CC2D2B: variants seen among roughly 807,000 people sequenced by gnomAD.
CC2D2B encodes the protein coiled-coil and C2 domain containing 2B.
In CC2D2B, 128 loss-of-function variants were observed where a neutral mutation model predicts 161.2. The ratio of observed to expected loss-of-function variants is 0.79; its 90% CI spans 0.69 to 0.92. The LOEUF (loss-of-function observed/expected upper bound fraction) is 0.92. Among genes scored for constraint, CC2D2B ranks in the 40% least tolerant of loss-of-function variants. The pLI is 0.00. For synonymous variants in CC2D2B, 391 were observed against 449.8 expected (o/e 0.87, Z 1.65); for missense variants, 1,173 against 1,375.1 (o/e 0.85, Z 2.32).
intron 32 of CC2D2B, chr10:96,021,160 C>T (rs2079439921): frequency 6.6e-6 from 1 of 152,200 alleles, no homozygotes; most frequent in South Asian, 2.1e-4. Context: ...GCACACATTT[C>T]TGTAAATGCT....
At chr10:96,030,159 A>G (rs1374911404) in intron 34 of CC2D2B, among the ~76,000 whole-genome samples, 3 of 152,030 alleles carry the variant, frequency 2.0e-5, no homozygotes, top group Admixed American at 2.0e-4. Context: ...TGGTTGGTTG[A>G]ATCCTCAAAT....
intron 17 of CC2D2B, among the ~76,000 whole-genome samples, chr10:95,981,469 G>A (rs968269466): frequency 1.3e-5 from 2 of 149,488 alleles, no homozygotes; most frequent in Non-Finnish European, 3.0e-5. Context: ...TACTTACCCA[G>A]TTAATTGCAT....
intron 30 of CC2D2B, among the ~76,000 whole-genome samples, chr10:96,018,249 C>A (rs1322871025): frequency 6.6e-6 from 1 of 152,142 alleles, no homozygotes; most frequent in Non-Finnish European, 1.5e-5. Context: ...GTAGGATAGG[C>A]TTACACTACA....
At chr10:96,018,204 C>CATT (rs1456156379) in intron 30 of CC2D2B, among the ~76,000 whole-genome samples, 1 of 152,124 alleles carries the variant, frequency 6.6e-6, no homozygotes, top group South Asian at 2.1e-4. Flanking sequence ...TAAATAGTCT[C>CATT]ATTATTATTA....
At chr10:96,027,911 T>C (rs903452539) in intron 34 of CC2D2B, among the ~76,000 whole-genome samples, 2 of 152,162 alleles carry the variant, frequency 1.3e-5, no homozygotes, top group African/African-American at 4.8e-5. Flanking sequence ...CAATAAATGA[T>C]GCTGGGAAAA....
chr10:96,002,971 G>T lies in CC2D2B; in HGVS notation c.2850-1181G>T, dbSNP rs373006907. Among the ~76,000 whole-genome samples, 3 of 149,918 alleles carry T rather than the reference G, an allele frequency of 2.0e-5. No individual in the cohort carries two copies. The East Asian group carries it at 5.8e-4, about 29-fold the overall frequency. ...AGGTAGGAGGATCACTTGAGCCCAG[G>T]AGTTCAAGATCAGCCTGGGAAAGAT... On this transcript the variant is annotated intron_variant, in intron 24 of 34. Transcript: ENST00000646931.
At chr10:95,950,963 G>A (rs192193888) in intron 10 of CC2D2B, among the ~76,000 whole-genome samples, 9 of 152,048 alleles carry the variant, frequency 5.9e-5, no homozygotes, top group Non-Finnish European at 1.2e-4. Context: ...GGGACTACAG[G>A]TGCCCACCAC....
chr10:96,027,524 C>T, intron 34 of CC2D2B, 135 bp downstream of exon 34: 1 of 576,572 alleles, frequency 1.7e-6, no homozygotes, highest in Non-Finnish European at 2.9e-6. Flanking sequence ...CATTAAAATA[C>T]ACTTACTGAA....
rs1422244435 is a variant in CC2D2B at position 95,971,259 on chromosome 10, G to T, written c.1645-807G>T. Among the ~76,000 whole-genome samples, 4 of 151,790 alleles carry T rather than the reference G, an allele frequency of 2.6e-5. No homozygotes were observed. The East Asian group carries it at 7.8e-4, about 29-fold the overall frequency. Reference sequence around the variant, plus strand: ...CAAAAATTAGCCAGGTGTGGTGGTGGGCACCTGTAATCCCTGGTACTTGGG... The same window carrying T: ...CAAAAATTAGCCAGGTGTGGTGGTGTGCACCTGTAATCCCTGGTACTTGGG... On this transcript the variant is annotated intron_variant, in intron 15 of 34. Transcript: ENST00000646931.
chr10:96,000,000 A>G, intron 24 of CC2D2B: 1 of 1,090,520 alleles, frequency 9.2e-7, no homozygotes, highest in South Asian at 1.4e-5. Flanking sequence ...TCTTGGCAAG[A>G]ATCTTGCCCT....
rs1276941037 is a variant in CC2D2B, at chr10:95,983,820, T to C, written c.2286+11T>C. 12 of 1,144,554 alleles carry C rather than the reference T, an allele frequency of 1.0e-5. No individual in the cohort carries two copies. The highest frequency in any genetic ancestry group is 4.4e-5 in the South Asian group (1 of 22,580). 70.9% of individuals were successfully genotyped at this position (1,144,554 alleles called of 1,614,324 possible). A position where few individuals can be genotyped will look rare whatever the true frequency, so the allele number is the denominator to read the frequency against. On this transcript the variant is annotated intron_variant, in intron 19 of 34. Transcript: ENST00000646931. ...GATTTAGTCTTCCAGGTATTTGGTT[T>C]CTATTTGAATATGGCTTATTGTATG...
intron 24 of CC2D2B, among the ~76,000 whole-genome samples, chr10:95,997,422 A>T (rs1262184390): frequency 1.3e-5 from 2 of 151,466 alleles, no homozygotes; most frequent in Non-Finnish European, 2.9e-5. Context: ...ACAGGATCTC[A>T]CTCTGTTGCC....
At chr10:95,926,832 G>C (rs1324025954) in intron 5 of CC2D2B, among the ~76,000 whole-genome samples, 2 of 136,740 alleles carry the variant, frequency 1.5e-5, no homozygotes, top group African/African-American at 5.2e-5. Context: ...GTGTGTGTGT[G>C]TGTGTGTGTG....
At chr10:96,005,418 C>T (rs555776522) in intron 25 of CC2D2B, among the ~76,000 whole-genome samples, 4 of 152,242 alleles carry the variant, frequency 2.6e-5, no homozygotes, top group African/African-American at 9.6e-5. Context: ...GTCCTCCTCT[C>T]ATGGACAAGG....
In CC2D2B at chr10:95,938,846, C is replaced by T; in HGVS notation, c.722C>T (p.Pro241Leu). ...ESGEIMSLPT[P>L]IKQSWNFRLN... ...GGAGAAATAATGTCATTACCTACAC[C>T]TATTAAACAGTCATGGAATTTCAGA... Residue 241 changes from proline to leucine, a missense_variant, in exon 9 of 35, where the codon CCT (proline) becomes CTT (leucine). Physicochemically the swap from Pro to Leu is moderately conservative, Grantham distance 98. Around this residue, in one of 3 missense-constraint regions of CC2D2B, gnomAD observed 298 missense variants for 261.2 expected, o/e 1.14. Transcript: ENST00000646931. The T allele has an allele frequency of 1.4e-6, 1 of 715,204 alleles. No individual in the cohort carries two copies. Among genetic ancestry groups the T allele is most frequent in the Non-Finnish European group, 2.6e-6 (1 of 384,174 alleles). The allele number at this position is 715,204 out of a possible 1,614,324, so 44.3% of individuals were successfully genotyped here.
rs2079373464 is a variant in CC2D2B, at chr10:96,019,778, A to G, written c.3842A>G (p.Gln1281Arg). ...FDYSKESFWK[Q>R]LLPKNVQGTK... ...TATTCAAAGGAAAGTTTCTGGAAGC[A>G]GTTGCTTCCAAAAAACGTTCAAGGA... The change falls in exon 32 of 35, where the codon CAG (glutamine) becomes CGG (arginine). Residue 1281 changes from glutamine (Q) to arginine (R), a missense_variant. Gln to Arg is a conservative substitution (Grantham distance 43). Transcript: ENST00000646931. 1 of 1,604,282 alleles carries G rather than the reference A, an allele frequency of 6.2e-7. No homozygotes were observed.
chr10:95,975,481 G>A (rs2077281857), intron 17 of CC2D2B, among the ~76,000 whole-genome samples: 2 of 152,048 alleles, frequency 1.3e-5, no homozygotes, highest in African/African-American at 4.8e-5. Context: ...GAAGACAAAA[G>A]AATCAAGGTA....
At chr10:95,991,281 G>A in intron 20 of CC2D2B, 89 bp from the exon 21 acceptor site, 1 of 386,308 alleles carries the variant, frequency 2.6e-6, no homozygotes, top group Non-Finnish European at 4.4e-6. Context: ...AAAATTAGGA[G>A]TAAAATATAC....
chr10:95,986,598 T>G (rs2077737753), intron 19 of CC2D2B, among the ~76,000 whole-genome samples: 1 of 151,948 alleles, frequency 6.6e-6, no homozygotes, highest in African/African-American at 2.4e-5. Context: ...AAGAACAAGA[T>G]TAATTAGTTT....
Sources: gnomAD v4.1 joint callset for allele counts (sites outside exome capture counted in the v4.1 genomes callset) on GRCh38, gnomAD v4.1.1 for gene constraint, gnomAD v4.1.1 regional missense constraint, MANE v1.5 for transcripts, NCBI Gene and HGNC (gene_info 2026-07-23, HGNC 2026-07-21) for gene names.